The following FOXP1 variants were observed in gnomAD, a reference collection of about 807,000 sequenced individuals.
FOXP1 encodes the protein forkhead box protein P1.
In FOXP1, 15 loss-of-function variants were observed where a neutral mutation model predicts 98.2. The observed-to-expected ratio is 0.15, with a 90% CI of 0.10 to 0.24. FOXP1 has a LOEUF of 0.24. Ranked by LOEUF, FOXP1 falls within the 10% of genes least tolerant of loss-of-function variation. FOXP1 has a pLI of 1.00. For synonymous variants in FOXP1, 371 were observed against 314.5 expected, an observed-to-expected ratio of 1.18 and a Z score of -1.90; for missense variants, 633 against 848.5, an observed-to-expected ratio of 0.75 and a Z score of 3.15.
intron 12 of FOXP1, among the ~76,000 whole-genome samples, chr3:71,011,278 C>G (rs1296209967): frequency 6.6e-6 from 1 of 152,130 alleles, no homozygotes; most frequent in East Asian, 1.9e-4. Context: ...GTGAACATCT[C>G]CCTCTGTTCT....
chr3:71,232,251 G>A (rs1049925238), intron 5 of FOXP1, among the ~76,000 whole-genome samples: 3 of 152,212 alleles, frequency 2.0e-5, no homozygotes, highest in Non-Finnish European at 2.9e-5. Context: ...AGAGAAGGGA[G>A]GGGAAATACA....
At chr3:71,443,321 T>C (rs1033141399) in intron 3 of FOXP1, among the ~76,000 whole-genome samples, 1 of 152,244 alleles carries the variant, frequency 6.6e-6, no homozygotes, top group Non-Finnish European at 1.5e-5. Flanking sequence ...ACCTCGAACA[T>C]TCATCATTTC....
chr3:71,560,213 T>A (rs966038506), intron 2 of FOXP1, among the ~76,000 whole-genome samples: 1 of 152,234 alleles, frequency 6.6e-6, no homozygotes, highest in Non-Finnish European at 1.5e-5. Context: ...TGTTTTCGCA[T>A]CATTATTGTC....
At chr3:71,529,062 G>A (rs899473526) in intron 2 of FOXP1, among the ~76,000 whole-genome samples, 25 of 152,160 alleles carry the variant, frequency 1.6e-4, no homozygotes, top group African/African-American at 5.8e-4. Flanking sequence ...AATACAGGAG[G>A]CTTTTCTGTG....
At chr3:71,211,039 G>T (rs2064418692) in intron 5 of FOXP1, among the ~76,000 whole-genome samples, 1 of 152,122 alleles carries the variant, frequency 6.6e-6, no homozygotes, top group Admixed American at 6.6e-5. Flanking sequence ...CTGGAGTTTT[G>T]AAAACTAGGC....
chr3:71,338,179 T>C (rs1185362453), intron 4 of FOXP1, among the ~76,000 whole-genome samples: 1 of 152,216 alleles, frequency 6.6e-6, no homozygotes, highest in East Asian at 1.9e-4. Flanking sequence ...AAGTGAGATC[T>C]GCAAAAACAT....
chr3:71,340,123 G>A (rs958406052), intron 4 of FOXP1, among the ~76,000 whole-genome samples: 6 of 152,112 alleles, frequency 3.9e-5, no homozygotes, highest in South Asian at 2.1e-4. Context: ...GGGTGCTTGC[G>A]TAGATAACCC....
intron 7 of FOXP1, among the ~76,000 whole-genome samples, chr3:71,100,472 G>A (rs2107661528): frequency 6.6e-6 from 1 of 152,308 alleles, no homozygotes; most frequent in South Asian, 2.1e-4. Context: ...ATAGTCAGAG[G>A]AGATCAGAAG....
intron 5 of FOXP1, among the ~76,000 whole-genome samples, chr3:71,292,364 CCCCTCTGTT>C (rs2072846954): frequency 1.3e-5 from 2 of 152,136 alleles, no homozygotes; most frequent in African/African-American, 4.8e-5. Flanking sequence ...GATGGAGTCT[CCCCTCTGTT>C]GCCCAGGATG....
At chr3:71,424,702 C>T (rs1250809048) in intron 3 of FOXP1, among the ~76,000 whole-genome samples, 1 of 152,234 alleles carries the variant, frequency 6.6e-6, no homozygotes, top group Non-Finnish European at 1.5e-5. Flanking sequence ...ACCACCAAAA[C>T]AAGGTTGGTG....
intron 14 of FOXP1, among the ~76,000 whole-genome samples, chr3:70,978,680 T>G (rs60474059): frequency 0.024 from 3,668 of 152,322 alleles, 108 homozygotes; most frequent in East Asian, 0.085. Flanking sequence ...GGCCTATTTA[T>G]TACTCATATT....
intron 3 of FOXP1, among the ~76,000 whole-genome samples, chr3:71,437,836 C>G (rs2085508591): frequency 6.6e-6 from 1 of 152,174 alleles, no homozygotes; most frequent in Admixed American, 6.5e-5. Context: ...GAAAAACAAG[C>G]TGCCTCAAGA....
chr3:71,058,233 T>G (rs184483830), intron 7 of FOXP1, among the ~76,000 whole-genome samples: 4 of 152,180 alleles, frequency 2.6e-5, no homozygotes, highest in Admixed American at 1.3e-4. Flanking sequence ...CAGTTTACAC[T>G]CCAGTCAACT....
intron 1 of FOXP1, chr3:71,582,077 AT>A (rs2048221812): frequency 1.1e-6 from 1 of 873,842 alleles, no homozygotes; most frequent in Non-Finnish European, 1.3e-6. Context: ...CTGCGCGGGA[AT>A]GGGGGGCTGC....
At chr3:71,023,121 G>A (rs943509909) in intron 11 of FOXP1, among the ~76,000 whole-genome samples, 5 of 151,938 alleles carry the variant, frequency 3.3e-5, no homozygotes, top group Admixed American at 3.3e-4. Flanking sequence ...CACCATTTAG[G>A]ACTTTCATCC....
chr3:71,406,266 T>C (rs1196301072), intron 3 of FOXP1, among the ~76,000 whole-genome samples: 2 of 151,948 alleles, frequency 1.3e-5, no homozygotes, highest in African/African-American at 4.8e-5. Context: ...AAGGACTGTG[T>C]TCCTTCCAGT....
intron 6 of FOXP1, among the ~76,000 whole-genome samples, chr3:71,187,537 C>T (rs1001872172): frequency 1.3e-5 from 2 of 152,040 alleles, no homozygotes; most frequent in African/African-American, 4.8e-5. Context: ...GAGCTGAGAT[C>T]GCACCATTGC....
At chr3:71,084,384 C>T (rs763761616) in intron 7 of FOXP1, among the ~76,000 whole-genome samples, 5 of 151,728 alleles carry the variant, frequency 3.3e-5, no homozygotes, top group Admixed American at 6.6e-5. Context: ...ACAAACTCTA[C>T]AATGATTCAC....
chr3:71,125,511 T>A (rs2059103812), intron 6 of FOXP1, among the ~76,000 whole-genome samples: 1 of 152,228 alleles, frequency 6.6e-6, no homozygotes, highest in Non-Finnish European at 1.5e-5. Context: ...AAAGATTACA[T>A]CTTATGGAGG....
Sources: gnomAD v4.1 joint callset for allele counts (sites outside exome capture counted in the v4.1 genomes callset) on GRCh38, gnomAD v4.1.1 for gene constraint, MANE v1.5 for transcripts, NCBI Gene and HGNC (gene_info 2026-07-23, HGNC 2026-07-21) for gene names.